The following ZBTB17 variants were observed in gnomAD, a reference collection of about 807,000 sequenced individuals.
ZBTB17 encodes the protein zinc finger and BTB domain-containing protein 17.
Under a neutral mutation model 85.1 loss-of-function variants are expected in ZBTB17, and 24 were observed. The ratio of observed to expected loss-of-function variants is 0.28; its 90% CI spans 0.20 to 0.40. The LOEUF is 0.40. Among genes scored for constraint, ZBTB17 ranks in the 10% least tolerant of loss-of-function variants. ZBTB17 has a pLI of 1.00. For missense variants in ZBTB17, 743 were observed against 1,105.1 expected (o/e 0.67, Z 4.65); for synonymous variants, 464 against 460.2 (o/e 1.01, Z -0.11).
In ZBTB17 at chr1:15,951,178, G is replaced by A. The variant is rs528389434; in HGVS notation, c.-2-2681C>T. On this transcript the variant is annotated intron_variant, in intron 2 of 15. Coordinates refer to ENST00000375743, the MANE Select transcript of ZBTB17 (RefSeq NM_003443.3). The surrounding 1 kb of genome is among the most constrained non-coding windows in gnomAD (Gnocchi z 4.1). Reference sequence around the variant, plus strand: ...GGGTGTTAGGAGGAGAAACAGAGGCGTCTATAATCCTCTGAGGCTGCCCCA... The same window carrying A: ...GGGTGTTAGGAGGAGAAACAGAGGCATCTATAATCCTCTGAGGCTGCCCCA... Among the ~76,000 whole-genome samples, 139 of 152,244 alleles carry A rather than the reference G, an allele frequency of 9.1e-4. No homozygotes were observed. Among genetic ancestry groups the A allele is most frequent in the African/African-American group, 3.2e-3 (133 of 41,546 alleles).
intron 13 of ZBTB17, 149 bp downstream of exon 13, chr1:15,942,915 G>A (rs567105835): frequency 2.6e-5 from 36 of 1,367,244 alleles, no homozygotes; most frequent in Non-Finnish European, 3.5e-5. Context: ...GGAAAATGGG[G>A]TCCTCATTTG....
chr1:15,948,457 C>T lies in ZBTB17; in HGVS notation c.39G>A (p.Gln13=). The T allele has an allele frequency of 6.2e-7, 1 of 1,614,068 alleles. No individual in the cohort carries two copies. Among genetic ancestry groups the T allele is most frequent in the Non-Finnish European group, 8.5e-7 (1 of 1,180,042 alleles). The part of the protein sequence containing the change: ...FPQHSQHVLE[Q]LNQQRQLGLL... ...GCCCCAGCTGCCGCTGCTGGTTCAG[C>T]TGTTCCAAGACATGCTGGCTGTGCT... The change falls in exon 3 of 16, where the codon CAG becomes CAA. Residue 13 remains glutamine (Q), a synonymous_variant. Transcript: ENST00000375743.
In ZBTB17 at chr1:15,945,846, T is replaced by C; in HGVS notation, c.536-6A>G. The C allele has an allele frequency of 6.3e-7, 1 of 1,590,502 alleles. No homozygotes were observed. The highest frequency in any genetic ancestry group is 8.5e-7 in the Non-Finnish European group (1 of 1,172,366). On this transcript the variant is annotated splice_region_variant and splice_polypyrimidine_tract_variant and intron_variant, in intron 5 of 15. Coordinates refer to ENST00000375743, the MANE Select transcript of ZBTB17 (RefSeq NM_003443.3). ...TTTCTCTGTCTGCTCTGCACCTGGG[T>C]GGGGGAAGCACCGGAGGCTGGATTG... is the stretch of plus-strand genomic sequence containing the variant.
intron 2 of ZBTB17, chr1:15,970,127 T>C (rs2072592268): frequency 1.1e-5 from 7 of 614,376 alleles, no homozygotes; most frequent in Non-Finnish European, 1.8e-5. Context: ...TGGGTCATCA[T>C]ATGTACCTTT....
At position 15,944,318 on chromosome 1, in the gene ZBTB17, G is replaced by A. The variant is rs568319546; in HGVS notation, c.1353C>T (p.Cys451=). 11 of 1,553,350 alleles carry A rather than the reference G, an allele frequency of 7.1e-6. No homozygotes were observed. In the South Asian group the frequency reaches 9.5e-5, roughly 13 times the overall value. ...DTDKEHKCPH[C]DKKFNQVGNL... is the part of the protein sequence containing the mutation. Reference sequence around the variant, plus strand: ...CGCACACCTGGTTGAACTTCTTGTCGCAGTGTGGGCACTTGTGCTCCTTGT... The same window carrying A: ...CGCACACCTGGTTGAACTTCTTGTCACAGTGTGGGCACTTGTGCTCCTTGT... The change falls in exon 9 of 16, where the codon TGC becomes TGT. Residue 451 remains cysteine, a synonymous_variant. Transcript: ENST00000375743.
intron 2 of ZBTB17, among the ~76,000 whole-genome samples, chr1:15,971,564 A>T: frequency 6.8e-6 from 1 of 146,644 alleles, no homozygotes; most frequent in Admixed American, 6.9e-5. Flanking sequence ...ATATATACAC[A>T]CACACTATAT....
At chr1:15,961,109 G>A (rs1028182599) in intron 2 of ZBTB17, among the ~76,000 whole-genome samples, 10 of 152,032 alleles carry the variant, frequency 6.6e-5, no homozygotes, top group Non-Finnish European at 1.2e-4. Context: ...GTGAGACCCC[G>A]TCTCAAAAAA....
chr1:15,945,791 C>T lies in ZBTB17; in HGVS notation c.585G>A (p.Val195=), dbSNP rs1414082401. The T allele has an allele frequency of 4.4e-6, 7 of 1,604,874 alleles. No homozygotes were observed. The highest frequency in any genetic ancestry group is 4.2e-6 in the Non-Finnish European group (5 of 1,179,346). Residue 195 remains valine, a synonymous_variant, in exon 6 of 16, where the codon GTG becomes GTA. Coordinates refer to ENST00000375743, the MANE Select transcript of ZBTB17 (RefSeq NM_003443.3). The part of the protein sequence containing the change: ...KADAPREPPP[V]ELKPDPTSGM... ...CACTCGTGGGGTCTGGCTTGAGCTC[C>T]ACAGGCGGCGGCTCCCGGGGCGCAT...
At chr1:15,970,769 G>A (rs577912419) in intron 2 of ZBTB17, among the ~76,000 whole-genome samples, 2 of 151,854 alleles carry the variant, frequency 1.3e-5, no homozygotes, top group South Asian at 2.1e-4. Context: ...GGATGGTCTC[G>A]ATCTCCTGAC....
At position 15,942,666 on chromosome 1, in the gene ZBTB17, T is replaced by G; in HGVS notation, c.1901A>C (p.Lys634Thr). 6.2e-7 allele frequency: 1 copy of G among 1,613,702 alleles called. No individual in the cohort carries two copies. The highest frequency in any genetic ancestry group is 8.5e-7 in the Non-Finnish European group (1 of 1,180,010). The change falls in exon 14 of 16, where the codon AAG becomes ACG. Residue 634 changes from lysine to threonine, a missense_variant. By Grantham distance (78) the Lys-to-Thr change is moderately conservative. Coordinates refer to ENST00000375743, the MANE Select transcript of ZBTB17 (RefSeq NM_003443.3). ...NRVDNLRSHV[K>T]TVHQGKAGIK... Reference sequence around the variant, plus strand: ...GCCTGCCTTGCCCTGGTGCACGGTCTTCACGTGGGAGCGCAGGTTGTCTAC... The same window carrying G: ...GCCTGCCTTGCCCTGGTGCACGGTCGTCACGTGGGAGCGCAGGTTGTCTAC...
Position 15,966,915 on chromosome 1 carries a change from A to T in ZBTB17, c.-3+6124T>A, listed in dbSNP as rs1480809055. On this transcript the variant is annotated intron_variant, in intron 2 of 15. Coordinates refer to ENST00000375743, the MANE Select transcript of ZBTB17 (RefSeq NM_003443.3). This position sits in a 1 kb window ranked among gnomAD's most constrained non-coding sequence, Gnocchi z 4.1. ...AGAGCGAGACCCTGTCTCAAAAATT[A>T]AATTAATTAATTAATTAATTAAAAA... is the stretch of plus-strand genomic sequence containing the variant. Among the ~76,000 whole-genome samples, 6 of 151,564 alleles carry T rather than the reference A, an allele frequency of 4.0e-5. No homozygotes were observed. The highest frequency in any genetic ancestry group is 3.3e-4 in the Admixed American group (5 of 15,224).
At position 15,944,579 on chromosome 1, in the gene ZBTB17, G is replaced by A. The variant is rs1213957627; in HGVS notation, c.1092C>T (p.Cys364=). Residue 364 remains cysteine (C), a synonymous_variant, in exon 9 of 16, where the codon TGC becomes TGT. Coordinates refer to ENST00000375743, the MANE Select transcript of ZBTB17 (RefSeq NM_003443.3). ...GGCGGTAGCTCTTCCCGCACTCCTCGCAGCCGTAGGGCTTCAGAGGGCTGC... is the reference window on the plus strand; with the variant it reads ...GGCGGTAGCTCTTCCCGCACTCCTCACAGCCGTAGGGCTTCAGAGGGCTGC... ...KTHSPLKPYG[C]EECGKSYRLI... is the part of the protein sequence containing the mutation. 3.1e-6 allele frequency: 5 copies of A among 1,598,462 alleles called. No homozygotes were observed. Among genetic ancestry groups the A allele is most frequent in the East Asian group, 4.5e-5 (2 of 44,804 alleles).
chr1:15,959,613 A>AGGAGGGAGGAGAGGGAGGAGAGGAAG (rs1223935858), intron 2 of ZBTB17, among the ~76,000 whole-genome samples: 2 of 139,720 alleles, frequency 1.4e-5, no homozygotes, highest in East Asian at 4.6e-4. Context: ...GACAGAGGGA[A>AGGAGGGAGGAGAGGGAGGAGAGGAAG]GGAGGGAGGA....
chr1:15,965,898 G>A (rs1410614532), intron 2 of ZBTB17, among the ~76,000 whole-genome samples: 1 of 152,168 alleles, frequency 6.6e-6, no homozygotes, highest in Non-Finnish European at 1.5e-5. Flanking sequence ...GCAAAACTCA[G>A]GGATGACTTG....
intron 9 of ZBTB17, 57 bp downstream of exon 9, chr1:15,944,243 A>ATGCGGC: frequency 6.5e-7 from 1 of 1,543,646 alleles, no homozygotes; most frequent in South Asian, 1.2e-5. Flanking sequence ...CGTGGCATGC[A>ATGCGGC]TGCGGCTGCG....
At chr1:15,974,901 T>A (rs957299237) in intron 1 of ZBTB17, among the ~76,000 whole-genome samples, 1 of 152,164 alleles carries the variant, frequency 6.6e-6, no homozygotes, top group East Asian at 1.9e-4. Context: ...TTTAGCCTGA[T>A]CTCTCTCTCC....
intron 2 of ZBTB17, among the ~76,000 whole-genome samples, chr1:15,949,574 G>A (rs1217822240): frequency 6.6e-6 from 1 of 152,252 alleles, no homozygotes; most frequent in African/African-American, 2.4e-5. Flanking sequence ...TCTGAGGCCT[G>A]AGTCTGCACG....
chr1:15,950,010 A>G (rs1474375233), intron 2 of ZBTB17, among the ~76,000 whole-genome samples: 1 of 152,186 alleles, frequency 6.6e-6, no homozygotes, highest in East Asian at 1.9e-4. Context: ...CCCTCCCCCT[A>G]CACATCCCCG....
chr1:15,974,164 C>G (rs1380587105), intron 1 of ZBTB17, among the ~76,000 whole-genome samples: 1 of 149,068 alleles, frequency 6.7e-6, no homozygotes, highest in African/African-American at 2.5e-5. Context: ...GCACTCCAGC[C>G]TGGGTGACAG....
Sources: allele counts gnomAD v4.1 joint callset (sites outside exome capture counted in the v4.1 genomes callset), GRCh38; gene constraint gnomAD v4.1.1; non-coding constraint Gnocchi (gnomAD v3.1); transcripts MANE v1.5; gene names NCBI Gene and HGNC (gene_info 2026-07-23, HGNC 2026-07-21).